Variants in PDE8B observed in about 807,000 individuals in gnomAD.
The protein encoded by PDE8B is high affinity cAMP-specific and IBMX-insensitive 3',5'-cyclic phosphodiesterase 8B.
In PDE8B, 26 loss-of-function variants were observed where a neutral mutation model predicts 101.3. The ratio of observed to expected loss-of-function variants is 0.26; its 90% confidence interval spans 0.19 to 0.36. PDE8B has a LOEUF of 0.36. PDE8B is among the 10% of genes least tolerant of loss of function. The pLI, the probability that PDE8B is intolerant of heterozygous loss-of-function variation, is 1.00. For missense variants in PDE8B, 810 were observed against 1,163.1 expected (o/e 0.70, Z 4.42); for synonymous variants, 424 against 429.3 (o/e 0.99, Z 0.15).
chr5:77,233,394 C>G (rs1580462034), intron 1 of PDE8B, among the ~76,000 whole-genome samples: 1 of 152,198 alleles, frequency 6.6e-6, no homozygotes, highest in Admixed American at 6.5e-5. Flanking sequence ...CCTTGACTTC[C>G]TTTTCGTGGT....
chr5:77,407,618 A>G (rs1254214454), intron 13 of PDE8B, among the ~76,000 whole-genome samples, 161 bp downstream of exon 13: 1 of 152,222 alleles, frequency 6.6e-6, no homozygotes, highest in African/African-American at 2.4e-5. Context: ...CTAAGTCACA[A>G]TCAGGGCAGT....
Position 77,312,057 on chromosome 5 carries a change from C to A in PDE8B, c.399+4C>A. The A allele has an allele frequency of 6.2e-7, 1 of 1,601,310 alleles. No homozygotes were observed. The highest frequency in any genetic ancestry group is 8.6e-7 in the Non-Finnish European group (1 of 1,168,740). ...ACTGACGCAGGACCCTATTCAGGTA[C>A]GCCTCCTTTACTCAGCCCTGTGACT... On this transcript the variant is annotated splice_donor_region_variant and intron_variant, in intron 2 of 21. Coordinates refer to ENST00000264917, the MANE Select transcript of PDE8B (RefSeq NM_003719.5).
At chr5:77,383,732 T>C (rs1244327469) in intron 10 of PDE8B, among the ~76,000 whole-genome samples, 2 of 152,208 alleles carry the variant, frequency 1.3e-5, no homozygotes, top group Non-Finnish European at 1.5e-5. Context: ...ATTTATTAAA[T>C]AGGAAATCTT....
intron 10 of PDE8B, among the ~76,000 whole-genome samples, chr5:77,382,950 C>T (rs1049938795): frequency 6.6e-6 from 1 of 152,118 alleles, no homozygotes; most frequent in African/African-American, 2.4e-5. Context: ...TGGGTATATA[C>T]CCAGTAATGG....
chr5:77,413,742 A>T (rs1362589672), intron 17 of PDE8B, among the ~76,000 whole-genome samples: 1 of 152,158 alleles, frequency 6.6e-6, no homozygotes, highest in Non-Finnish European at 1.5e-5. Context: ...TGTTTTACAT[A>T]TATTTATGTT....
chr5:77,128,661 C>T, the PDE8B span, among the ~76,000 whole-genome samples: 1 of 152,220 alleles, frequency 6.6e-6, no homozygotes, highest in Admixed American at 6.5e-5. Flanking sequence ...AAATGGTGCT[C>T]AAGAGTTCTG....
At chr5:77,194,600 C>T in the PDE8B span, among the ~76,000 whole-genome samples, 8 of 152,020 alleles carry the variant, frequency 5.3e-5, no homozygotes, top group Non-Finnish European at 1.2e-4. Context: ...CTTTACATTC[C>T]CCAGCCCCTT....
chr5:77,102,582 C>A, the PDE8B span, among the ~76,000 whole-genome samples: 1 of 152,188 alleles, frequency 6.6e-6, no homozygotes, highest in Non-Finnish European at 1.5e-5. Flanking sequence ...GCTGAGAATT[C>A]TTGGATTCTG....
the PDE8B span, among the ~76,000 whole-genome samples, chr5:77,181,299 T>C: frequency 1.3e-5 from 2 of 151,916 alleles, no homozygotes. Flanking sequence ...GGGAGAACAG[T>C]CTGTGGTAGG....
intron 1 of PDE8B, among the ~76,000 whole-genome samples, chr5:77,251,116 T>G (rs1052755331): frequency 1.3e-5 from 2 of 152,244 alleles, no homozygotes; most frequent in African/African-American, 4.8e-5. Context: ...CTGTGTAACC[T>G]TGGGCAAGTG....
intron 5 of PDE8B, among the ~76,000 whole-genome samples, chr5:77,332,122 TAAAAG>T (rs779926647): frequency 2.0e-5 from 3 of 152,134 alleles, no homozygotes; most frequent in Admixed American, 6.5e-5. Flanking sequence ...AGAATGGACT[TAAAAG>T]AGAAGAAAGA....
At chr5:77,104,785 T>G in the PDE8B span, 1 of 152,232 alleles carries the variant, frequency 6.6e-6, no homozygotes, top group African/African-American at 2.4e-5. Context: ...GGTTTTGGTT[T>G]GAGTGAATCT....
At chr5:77,121,357 C>T in the PDE8B span, among the ~76,000 whole-genome samples, 2,423 of 152,190 alleles carry the variant, frequency 0.016, 70 homozygotes, top group African/African-American at 0.054. Flanking sequence ...ATGGCATCCC[C>T]CAGAGTGAGT....
chr5:77,192,664 A>G, the PDE8B span, among the ~76,000 whole-genome samples: 1 of 152,178 alleles, frequency 6.6e-6, no homozygotes, highest in African/African-American at 2.4e-5. Context: ...GCCATTTTCC[A>G]TTATGTTCTT....
At chr5:77,247,860 C>A (rs531644665) in intron 1 of PDE8B, among the ~76,000 whole-genome samples, 1 of 152,194 alleles carries the variant, frequency 6.6e-6, no homozygotes, top group African/African-American at 2.4e-5. Flanking sequence ...TCCCCTCACC[C>A]TTAGGCCACA....
Position 77,364,086 on chromosome 5 carries a change from G to A in PDE8B, c.1167+10680G>A, listed in dbSNP as rs565616391. Reference sequence around the variant, plus strand: ...GTGAGGTAGCTAACTGCATCTGTACGGAGAATCCTGGGTCTCTTTTATGGA... The same window carrying A: ...GTGAGGTAGCTAACTGCATCTGTACAGAGAATCCTGGGTCTCTTTTATGGA... On this transcript the variant is annotated intron_variant, in intron 10 of 21. Transcript: ENST00000264917. Among the ~76,000 whole-genome samples, 4 of 152,290 alleles carry A rather than the reference G, an allele frequency of 2.6e-5. No individual in the cohort carries two copies. In the South Asian group the frequency reaches 8.3e-4, roughly 32 times the overall value.
At chr5:77,159,522 C>T in the PDE8B span, among the ~76,000 whole-genome samples, 1 of 152,184 alleles carries the variant, frequency 6.6e-6, no homozygotes, top group African/African-American at 2.4e-5. Context: ...TACTCATTAG[C>T]TTACAGACAA....
chr5:77,384,899 A>G (rs969503415), intron 10 of PDE8B, among the ~76,000 whole-genome samples: 1 of 152,182 alleles, frequency 6.6e-6, no homozygotes, highest in Non-Finnish European at 1.5e-5. Flanking sequence ...GGATTTTCGC[A>G]TCGCTGTTCA....
chr5:77,203,688 G>A, the PDE8B span, among the ~76,000 whole-genome samples: 3 of 152,132 alleles, frequency 2.0e-5, no homozygotes, highest in Admixed American at 1.3e-4. Context: ...CAGAGACTTT[G>A]TTTGTCCTTC....
Sources: gnomAD v4.1 joint callset for allele counts (sites outside exome capture counted in the v4.1 genomes callset) on GRCh38, gnomAD v4.1.1 for gene constraint, MANE v1.5 for transcripts, NCBI Gene and HGNC (gene_info 2026-07-23, HGNC 2026-07-21) for gene names.